PCCA: variants seen among roughly 807,000 people sequenced by gnomAD.
PCCA encodes the protein propionyl-CoA carboxylase alpha chain, mitochondrial.
In PCCA, 74 loss-of-function variants were observed where a neutral mutation model predicts 101.3. That is an observed-to-expected ratio of 0.73 (90% CI 0.61 to 0.89). PCCA has a LOEUF of 0.89. Ranked by LOEUF, PCCA falls within the 40% of genes least tolerant of loss-of-function variation. The pLI is 0.00. For missense variants in PCCA, 891 were observed against 907.0 expected, an observed-to-expected ratio of 0.98 and a Z score of 0.23; for synonymous variants, 294 against 313.6, an observed-to-expected ratio of 0.94 and a Z score of 0.66.
intron 19 of PCCA, among the ~76,000 whole-genome samples, chr13:100,377,261 C>G (rs557819220): frequency 6.6e-6 from 1 of 152,314 alleles, no homozygotes; most frequent in South Asian, 2.1e-4. Context: ...GTTTGGCCAT[C>G]TTGCCAGCCA....
intron 10 of PCCA, 79 bp from the exon 11 acceptor site, chr13:100,268,610 G>A (rs747443785): frequency 1.0e-5 from 10 of 966,016 alleles, no homozygotes; most frequent in Non-Finnish European, 1.5e-5. Context: ...ACCAAGAGAT[G>A]TTGCATGCGG....
At chr13:100,122,198 T>G (rs1336943908) in intron 4 of PCCA, among the ~76,000 whole-genome samples, 1 of 152,222 alleles carries the variant, frequency 6.6e-6, no homozygotes, top group Non-Finnish European at 1.5e-5. Flanking sequence ...TTCCTGAGAT[T>G]AATCCCACTT....
intron 18 of PCCA, among the ~76,000 whole-genome samples, chr13:100,366,455 C>T (rs1016230930): frequency 5.3e-5 from 8 of 151,958 alleles, no homozygotes; most frequent in African/African-American, 1.9e-4. Flanking sequence ...GCTGGAGATA[C>T]AAAAATAAGG....
At chr13:100,296,702 G>C (rs1281266336) in intron 12 of PCCA, among the ~76,000 whole-genome samples, 1 of 152,146 alleles carries the variant, frequency 6.6e-6, no homozygotes, top group Non-Finnish European at 1.5e-5. Flanking sequence ...AAGCATTTCA[G>C]AGTAAGTTGC....
intron 4 of PCCA, among the ~76,000 whole-genome samples, chr13:100,122,182 C>G (rs1485132372): frequency 6.6e-6 from 1 of 152,070 alleles, no homozygotes; most frequent in Non-Finnish European, 1.5e-5. Context: ...TTAAACCAGC[C>G]TTGAATTCCT....
intron 18 of PCCA, among the ~76,000 whole-genome samples, chr13:100,363,797 G>A (rs2074890734): frequency 6.6e-6 from 1 of 152,124 alleles, no homozygotes; most frequent in Non-Finnish European, 1.5e-5. Flanking sequence ...TCTAACTGAA[G>A]ATGCTGAGAG....
At chr13:100,395,676 T>G (rs754149315) in intron 19 of PCCA, among the ~76,000 whole-genome samples, 34 of 152,226 alleles carry the variant, frequency 2.2e-4, no homozygotes, top group Admixed American at 5.9e-4. Flanking sequence ...TTAAATATTC[T>G]TTTAGTGGTT....
chr13:100,352,453 A>G (rs1328387538), intron 18 of PCCA, among the ~76,000 whole-genome samples: 1 of 148,616 alleles, frequency 6.7e-6, no homozygotes, highest in African/African-American at 2.5e-5. Context: ...TCTGGAGTGC[A>G]GTGGCATCAC....
chr13:100,439,165 T>C (rs2080163132), intron 20 of PCCA, among the ~76,000 whole-genome samples: 1 of 152,206 alleles, frequency 6.6e-6, no homozygotes, highest in Non-Finnish European at 1.5e-5. Flanking sequence ...AGAGAGTGTT[T>C]ACAGATAGAG....
At chr13:100,215,936 G>A (rs539631296) in intron 7 of PCCA, among the ~76,000 whole-genome samples, 99 of 152,256 alleles carry the variant, frequency 6.5e-4, no homozygotes, top group African/African-American at 2.2e-3. Context: ...ACTGTGCGCA[G>A]CCCTGCCGTA....
Position 100,506,460 on chromosome 13 carries a change from C to T in PCCA, c.1900-8967C>T, listed in dbSNP as rs187389597. On this transcript the variant is annotated intron_variant, in intron 21 of 23. Transcript: ENST00000376285. ...GCCGACGGTCTACCTCACAGTATCA[C>T]AGTCATCTTTACTTTCGTTTACTCT... 2.0e-5 allele frequency among the ~76,000 whole-genome samples: 3 copies of T among 152,312 alleles called. No individual in the cohort carries two copies. The East Asian group carries it at 5.8e-4, about 29-fold the overall frequency.
At chr13:100,370,945 GCA>G (rs1301119718) in intron 19 of PCCA, among the ~76,000 whole-genome samples, 1 of 152,100 alleles carries the variant, frequency 6.6e-6, no homozygotes, top group Non-Finnish European at 1.5e-5. Flanking sequence ...GCTTTACTGA[GCA>G]CACAGTAAAG....
intron 2 of PCCA, among the ~76,000 whole-genome samples, chr13:100,109,123 ACAG>A (rs1323266384): frequency 2.0e-5 from 3 of 152,266 alleles, no homozygotes. Context: ...GGGGTGAAGA[ACAG>A]TAGCCATAGC....
intron 18 of PCCA, among the ~76,000 whole-genome samples, chr13:100,368,146 A>G (rs1176799630): frequency 6.6e-6 from 1 of 152,182 alleles, no homozygotes; most frequent in Non-Finnish European, 1.5e-5. Context: ...ATGCTAACTC[A>G]GTAATTCATT....
At chr13:100,461,917 C>G (rs752014599) in intron 21 of PCCA, among the ~76,000 whole-genome samples, 74 of 152,132 alleles carry the variant, frequency 4.9e-4, no homozygotes, top group Non-Finnish European at 7.5e-4. Context: ...AGTCTGTTTA[C>G]CCTCAACTCC....
At chr13:100,140,933 A>G (rs1445423726) in intron 4 of PCCA, among the ~76,000 whole-genome samples, 2 of 152,316 alleles carry the variant, frequency 1.3e-5, no homozygotes, top group Admixed American at 1.3e-4. Flanking sequence ...GGAGGTTTTC[A>G]TTGTTGATAG....
chr13:100,199,109 C>T (rs969083893), intron 6 of PCCA, among the ~76,000 whole-genome samples: 1 of 151,938 alleles, frequency 6.6e-6, no homozygotes, highest in African/African-American at 2.4e-5. Context: ...TACAGGAGAA[C>T]TATACAAAAG....
At chr13:100,451,693 C>G (rs979355275) in intron 21 of PCCA, among the ~76,000 whole-genome samples, 1 of 145,822 alleles carries the variant, frequency 6.9e-6, no homozygotes, top group Admixed American at 6.9e-5. Flanking sequence ...CCTCTCTCTC[C>G]TCTTCCCCTC....
intron 14 of PCCA, among the ~76,000 whole-genome samples, chr13:100,305,075 G>C (rs1178123152): frequency 1.3e-5 from 2 of 152,090 alleles, no homozygotes; most frequent in Non-Finnish European, 2.9e-5. Flanking sequence ...ACTTCAGATT[G>C]GTTGTTAAGA....
Sources: allele counts gnomAD v4.1 joint callset (sites outside exome capture counted in the v4.1 genomes callset), GRCh38; gene constraint gnomAD v4.1.1; transcripts MANE v1.5; gene names NCBI Gene and HGNC (gene_info 2026-07-23, HGNC 2026-07-21).